ITGA4: variants seen among roughly 807,000 people sequenced by gnomAD.
ITGA4 encodes the protein integrin subunit alpha 4.
In ITGA4, 63 loss-of-function variants were observed where a neutral mutation model predicts 133.6. The ratio of observed to expected loss-of-function variants is 0.47; its 90% CI spans 0.38 to 0.58. ITGA4 has a LOEUF of 0.58. Among genes scored for constraint, ITGA4 ranks in the 20% least tolerant of loss-of-function variants. ITGA4 has a pLI of 0.00. For synonymous variants in ITGA4, 483 were observed against 438.0 expected (o/e 1.10, Z -1.28); for missense variants, 1,076 against 1,252.7 (o/e 0.86, Z 2.13).
At chr2:181,485,189 ATTAAG>A (rs1685886877) in intron 9 of ITGA4, among the ~76,000 whole-genome samples, 1 of 152,140 alleles carries the variant, frequency 6.6e-6, no homozygotes, top group Non-Finnish European at 1.5e-5. Flanking sequence ...TATTCCCTAA[ATTAAG>A]AGTAAATTTT....
At chr2:181,477,779 C>T (rs1483300087) in intron 4 of ITGA4, among the ~76,000 whole-genome samples, 1 of 152,062 alleles carries the variant, frequency 6.6e-6, no homozygotes, top group East Asian at 1.9e-4. Flanking sequence ...TTATAGAAAA[C>T]AGTAGAGAAG....
At chr2:181,486,016 A>T (rs155103) in intron 10 of ITGA4, 24 bp downstream of exon 10, 2 of 1,564,194 alleles carry the variant, frequency 1.3e-6, no homozygotes, top group Non-Finnish European at 8.6e-7. Context: ...TCAAATTGGT[A>T]CTTGATTTCT....
At chr2:181,469,681 G>A (rs1685499400) in intron 2 of ITGA4, among the ~76,000 whole-genome samples, 1 of 152,080 alleles carries the variant, frequency 6.6e-6, no homozygotes, top group African/African-American at 2.4e-5. Context: ...GTCCATCAAT[G>A]TAGACTGGAT....
chr2:181,480,932 T>C (rs1229746715), intron 6 of ITGA4, among the ~76,000 whole-genome samples: 2 of 152,106 alleles, frequency 1.3e-5, no homozygotes, highest in Non-Finnish European at 2.9e-5. Context: ...TACAAGAAAA[T>C]AAATGCTTTT....
In ITGA4 at chr2:181,536,830, C is replaced by T. The variant is rs1474396669; in HGVS notation, c.*1303C>T. 1 of 350,916 alleles carries T rather than the reference C, an allele frequency of 2.8e-6. No individual in the cohort carries two copies. Among genetic ancestry groups the T allele is most frequent in the East Asian group, 8.1e-5 (1 of 12,318 alleles). 21.7% of individuals were successfully genotyped at this position (350,916 alleles called of 1,614,324 possible). A position where few individuals can be genotyped will look rare whatever the true frequency, so the allele number is the denominator to read the frequency against. ...AGATAATTGCAGAATATCATTTTAT[C>T]TGACTCTGCCTTCATAAGAGAGCTG... On this transcript the variant is annotated 3_prime_UTR_variant, in exon 28 of 28. Transcript: ENST00000397033.
At chr2:181,519,032 A>G (rs921437950) in intron 17 of ITGA4, among the ~76,000 whole-genome samples, 1 of 152,064 alleles carries the variant, frequency 6.6e-6, no homozygotes, top group Non-Finnish European at 1.5e-5. Flanking sequence ...TGACCAAAAA[A>G]CTATAATAGT....
chr2:181,481,472 ATATTCT>A, intron 6 of ITGA4, 120 bp from the exon 7 acceptor site: 1 of 390,044 alleles, frequency 2.6e-6, no homozygotes, highest in Non-Finnish European at 4.7e-6. Context: ...TCTATGCTAA[ATATTCT>A]TAACTGCTTA....
chr2:181,538,132 T>G lies in ITGA4; in HGVS notation c.*2605T>G. ...CCACAGGTTTAAAGCATGGCCACAT[T>G]TCTTTATATTAAAATTCTAGTTTGT... On this transcript the variant is annotated 3_prime_UTR_variant, in exon 28 of 28. Transcript: ENST00000397033. The G allele has an allele frequency of 7.9e-7, 1 of 1,259,918 alleles. No individual in the cohort carries two copies. The highest frequency in any genetic ancestry group is 1.2e-5 in the South Asian group (1 of 82,990). 78.0% of individuals were successfully genotyped at this position (1,259,918 alleles called of 1,614,324 possible). A position where few individuals can be genotyped will look rare whatever the true frequency, so the allele number is the denominator to read the frequency against.
chr2:181,530,443 G>T, intron 23 of ITGA4, 81 bp from the exon 24 acceptor site: 1 of 1,334,988 alleles, frequency 7.5e-7, no homozygotes, highest in East Asian at 2.5e-5. Context: ...ATAAGCTACT[G>T]GAACTTTTAA....
intron 17 of ITGA4, among the ~76,000 whole-genome samples, chr2:181,512,684 A>G (rs4667315): frequency 0.98 from 148,751 of 152,134 alleles, 72,825 homozygotes; most frequent in Middle Eastern, 1. Context: ...AGATCAGATA[A>G]CGTAATGTCT....
At chr2:181,458,549 A>G (rs1245176703) in intron 2 of ITGA4, 1 of 537,048 alleles carries the variant, frequency 1.9e-6, no homozygotes, top group Non-Finnish European at 3.3e-6. Context: ...TCTGACAACT[A>G]TGCTAGAGAA....
rs1329298167 is a variant in ITGA4 at position 181,537,621 on chromosome 2, T to C, written c.*2094T>C. ...ACAGAATATAGGAAATTTAACATAA[T>C]TGATGAGCTCAAATCCTGAAAAATG... is the stretch of plus-strand genomic sequence containing the variant. On this transcript the variant is annotated 3_prime_UTR_variant, in exon 28 of 28. Coordinates refer to ENST00000397033, the MANE Select transcript of ITGA4 (RefSeq NM_000885.6). 3.0e-5 allele frequency: 13 copies of C among 432,302 alleles called. No homozygotes were observed. The highest frequency in any genetic ancestry group is 1.7e-5 in the South Asian group (1 of 59,326). The allele number at this position is 432,302 out of a possible 1,614,324, so 26.8% of individuals were successfully genotyped here.
chr2:181,526,072 A>G (rs1686825359), intron 21 of ITGA4, among the ~76,000 whole-genome samples: 1 of 152,234 alleles, frequency 6.6e-6, no homozygotes, highest in Non-Finnish European at 1.5e-5. Flanking sequence ...GGTGATATAC[A>G]GTCATGTAAA....
At position 181,495,926 on chromosome 2, in the gene ITGA4, C is replaced by T; in HGVS notation, c.1529C>T (p.Pro510Leu). ...LCFSYKGKEV[P>L]GYIVLFYNMS... ...TTCTCATATAAGGGCAAGGAAGTTC[C>T]AGGTTACATTGGTGGGTATGCCCTA... Residue 510 changes from proline to leucine, a missense_variant, in exon 14 of 28, where the codon CCA (proline) becomes CTA (leucine). Coordinates refer to ENST00000397033, the MANE Select transcript of ITGA4 (RefSeq NM_000885.6). The surrounding 1 kb of genome is among the most constrained non-coding windows in gnomAD (Gnocchi z 4.3). 6.2e-7 allele frequency: 1 copy of T among 1,613,714 alleles called. No individual in the cohort carries two copies. The highest frequency in any genetic ancestry group is 8.5e-7 in the Non-Finnish European group (1 of 1,179,798).
Position 181,495,518 on chromosome 2 carries a change from C to A in ITGA4, c.1385+102C>A. ...GCAGTGGTAGTGACCTCATGATGCT[C>A]TTTTGGTATTCTGAAGCTTAATTAT... is the stretch of plus-strand genomic sequence containing the variant. On this transcript the variant is annotated intron_variant, in intron 13 of 27. Transcript: ENST00000397033. This position sits in a 1 kb window ranked among gnomAD's most constrained non-coding sequence, Gnocchi z 4.3. 1 of 875,280 alleles carries A rather than the reference C, an allele frequency of 1.1e-6. No homozygotes were observed. The highest frequency in any genetic ancestry group is 1.4e-5 in the South Asian group (1 of 70,494). The allele number at this position is 875,280 out of a possible 1,614,324, so 54.2% of individuals were successfully genotyped here. A position where few individuals can be genotyped will look rare whatever the true frequency, so the allele number is the denominator to read the frequency against.
chr2:181,475,154 T>C lies in ITGA4; in HGVS notation c.427-5T>C, dbSNP rs1211294663. On this transcript the variant is annotated splice_region_variant and splice_polypyrimidine_tract_variant and intron_variant, in intron 3 of 27. Transcript: ENST00000397033. ...CATCATTTGGTCTACTTTTATTTTA[T>C]TCAGACTTGTGGGCATAGATGGAAA... 2.5e-6 allele frequency: 4 copies of C among 1,613,574 alleles called. No homozygotes were observed. The highest frequency in any genetic ancestry group is 1.3e-5 in the African/African-American group (1 of 74,960).
chr2:181,521,973 TGGGTAATA>T (rs1457607154), intron 17 of ITGA4, among the ~76,000 whole-genome samples: 1 of 152,136 alleles, frequency 6.6e-6, no homozygotes, highest in African/African-American at 2.4e-5. Flanking sequence ...AAAGTTTCCT[TGGGTAATA>T]GGTGACTGAA....
intron 2 of ITGA4, among the ~76,000 whole-genome samples, chr2:181,474,170 A>G (rs1272771207): frequency 6.6e-6 from 1 of 152,244 alleles, no homozygotes; most frequent in Non-Finnish European, 1.5e-5. Flanking sequence ...GGATTTTAAT[A>G]GGAACCCAGC....
Position 181,535,566 on chromosome 2 carries a change from G to T in ITGA4, c.*39G>T, listed in dbSNP as rs1687050955. ...ATTGAGAGAATGGAAAACAGACTCAGGTTGTAGTAAAGAAATTTAAAAGAC... is the reference window on the plus strand; with the variant it reads ...ATTGAGAGAATGGAAAACAGACTCATGTTGTAGTAAAGAAATTTAAAAGAC... On this transcript the variant is annotated 3_prime_UTR_variant, in exon 28 of 28. Transcript: ENST00000397033. The T allele has an allele frequency of 6.5e-7, 1 of 1,548,682 alleles. No individual in the cohort carries two copies. The highest frequency in any genetic ancestry group is 8.7e-7 in the Non-Finnish European group (1 of 1,151,656).
Sources: gnomAD v4.1 joint callset for allele counts (sites outside exome capture counted in the v4.1 genomes callset) on GRCh38, gnomAD v4.1.1 for gene constraint, Gnocchi (gnomAD v3.1) non-coding constraint, MANE v1.5 for transcripts, NCBI Gene and HGNC (gene_info 2026-07-23, HGNC 2026-07-21) for gene names.